The following CNOT7 variants were observed in gnomAD, a reference collection of about 807,000 sequenced individuals.
CNOT7 encodes the protein CCR4-NOT transcription complex subunit 7, also known as BTG1-binding factor 1.
CNOT7 carries 4 observed loss-of-function variants against 37.1 expected under a neutral mutation model. That is an observed-to-expected ratio of 0.11 (90% CI 0.05 to 0.25). The LOEUF (loss-of-function observed/expected upper bound fraction) is 0.25, where lower values mean the gene tolerates loss of function less well. Among genes scored for constraint, CNOT7 ranks in the 10% least tolerant of loss-of-function variants. The pLI is 1.00. For synonymous variants in CNOT7, 128 were observed against 115.6 expected (o/e 1.11, Z -0.69); for missense variants, 170 against 336.2 (o/e 0.51, Z 3.87).
intron 3 of CNOT7, chr8:17,241,309 A>G (rs1438384010): frequency 1.5e-5 from 2 of 135,482 alleles, no homozygotes; most frequent in South Asian, 2.3e-4. Context: ...GACAGAGTCT[A>G]TGTTGACCAG....
At chr8:17,232,956 T>C (rs1444929477) in intron 5 of CNOT7, among the ~76,000 whole-genome samples, 2 of 152,202 alleles carry the variant, frequency 1.3e-5, no homozygotes, top group African/African-American at 2.4e-5. Flanking sequence ...CATTTGTAGT[T>C]TTCACTTAAT....
At position 17,230,011 on chromosome 8, in the gene CNOT7, C is replaced by T. The variant is rs1420014476; in HGVS notation, c.*709G>A. The T allele has an allele frequency of 2.6e-5, 4 of 152,360 alleles. No homozygotes were observed. Among genetic ancestry groups the T allele is most frequent in the African/African-American group, 7.2e-5 (3 of 41,412 alleles). The allele number at this position is 152,360 out of a possible 1,614,324, so 9.4% of individuals were successfully genotyped here. ...AGGGTGTAAAGCTGGTTTGAAAATT[C>T]TTCAGTCACAGAGCAGCCTACACAT... On this transcript the variant is annotated 3_prime_UTR_variant, in exon 7 of 7. Coordinates refer to ENST00000361272, the MANE Select transcript of CNOT7 (RefSeq NM_013354.7).
intron 3 of CNOT7, chr8:17,241,960 C>G (rs1270719791): frequency 6.6e-6 from 1 of 152,144 alleles, no homozygotes; most frequent in African/African-American, 2.4e-5. Context: ...GTGAAGAAAG[C>G]CAGAGCCTAT....
intron 5 of CNOT7, among the ~76,000 whole-genome samples, chr8:17,233,473 T>C (rs1442452816): frequency 1.3e-5 from 2 of 152,200 alleles, no homozygotes; most frequent in African/African-American, 2.4e-5. Flanking sequence ...ACCTGAATTT[T>C]AACACAGCAG....
At chr8:17,236,157 A>C (rs1809332154) in intron 4 of CNOT7, among the ~76,000 whole-genome samples, 1 of 152,222 alleles carries the variant, frequency 6.6e-6, no homozygotes, top group Non-Finnish European at 1.5e-5. Context: ...CCTACAACTC[A>C]ACCATTTCTG....
In CNOT7 at chr8:17,237,457, T is replaced by C. The variant is rs557032893; in HGVS notation, c.312-84A>G. ...CTTCTGCTTACATCTATAACTACAG[T>C]GCCAGAAAAGAGACAGAGGAATGGC... On this transcript the variant is annotated intron_variant, in intron 3 of 6. Transcript: ENST00000361272. The C allele has an allele frequency of 4.5e-5, 59 of 1,304,930 alleles. 1 individual carries two copies. The African/African-American group carries it at 7.8e-4, about 17-fold the overall frequency. 80.8% of individuals were successfully genotyped at this position (1,304,930 alleles called of 1,614,324 possible).
chr8:17,237,485 G>C, intron 3 of CNOT7, 112 bp from the exon 4 acceptor site: 3 of 896,406 alleles, frequency 3.3e-6, no homozygotes, highest in East Asian at 2.5e-5. Context: ...GGAATGGCTT[G>C]AGTCCACCTG....
In CNOT7 at chr8:17,228,337, A is replaced by G. The variant is rs1808293288; in HGVS notation, c.*2383T>C. ...CATCTGGAACCTAGACTTTACAAAC[A>G]TTGAGACTGTCTGGAACAAAATAAA... On this transcript the variant is annotated 3_prime_UTR_variant, in exon 7 of 7. Coordinates refer to ENST00000361272, the MANE Select transcript of CNOT7 (RefSeq NM_013354.7). 1 of 151,960 alleles carries G rather than the reference A, an allele frequency of 6.6e-6. No individual in the cohort carries two copies. The highest frequency in any genetic ancestry group is 2.1e-4 in the South Asian group (1 of 4,836). 9.4% of individuals were successfully genotyped at this position (151,960 alleles called of 1,614,324 possible). A position where few individuals can be genotyped will look rare whatever the true frequency, so the allele number is the denominator to read the frequency against.
chr8:17,245,282 A>G (rs1810765223), intron 1 of CNOT7, 35 bp from the exon 2 acceptor site: 5 of 901,784 alleles, frequency 5.5e-6, no homozygotes, highest in Non-Finnish European at 7.8e-6. Context: ...AAGACCAGAT[A>G]TATCAAATCT....
At chr8:17,235,667 C>T (rs558642584) in intron 4 of CNOT7, among the ~76,000 whole-genome samples, 1 of 152,144 alleles carries the variant, frequency 6.6e-6, no homozygotes, top group Non-Finnish European at 1.5e-5. Context: ...TTCCAAGGAC[C>T]TCTAACAGGA....
chr8:17,244,768 G>T, intron 2 of CNOT7: 1 of 331,922 alleles, frequency 3.0e-6, no homozygotes, highest in South Asian at 4.3e-5. Context: ...CCTGACACGA[G>T]CCCAAATCCT....
intron 6 of CNOT7, chr8:17,231,973 T>A (rs562248838): frequency 1.0e-6 from 1 of 990,022 alleles, no homozygotes; most frequent in African/African-American, 1.7e-5. Context: ...AAGAATGACA[T>A]GAGCAAATAA....
At position 17,229,576 on chromosome 8, in the gene CNOT7, C is replaced by T. The variant is rs1308242702; in HGVS notation, c.*1144G>A. On this transcript the variant is annotated 3_prime_UTR_variant, in exon 7 of 7. Coordinates refer to ENST00000361272, the MANE Select transcript of CNOT7 (RefSeq NM_013354.7). ...TTGTCAATATATATAAAATAGATTG[C>T]AAAGATATACACAAAAAAATAAGCA... 1 of 151,398 alleles carries T rather than the reference C, an allele frequency of 6.6e-6. No homozygotes were observed. Among genetic ancestry groups the T allele is most frequent in the Non-Finnish European group, 1.5e-5 (1 of 67,666 alleles). 9.4% of individuals were successfully genotyped at this position (151,398 alleles called of 1,614,324 possible).
chr8:17,230,734 T>C lies in CNOT7; in HGVS notation c.844A>G (p.Asn282Asp). ...GTGNAYEEEA[N>D]KQS ...ACTATTTCATGTCATGACTGCTTGT[T>C]GGCTTCCTCTTCATATGCATTCCCT... The change falls in exon 7 of 7, where the codon AAC becomes GAC. Residue 282 changes from asparagine to aspartate, a missense_variant. Transcript: ENST00000361272. 1 of 1,601,732 alleles carries C rather than the reference T, an allele frequency of 6.2e-7. No individual in the cohort carries two copies. Among genetic ancestry groups the C allele is most frequent in the Non-Finnish European group, 8.5e-7 (1 of 1,174,804 alleles).
intron 3 of CNOT7, chr8:17,241,991 T>A (rs1810230481): frequency 6.6e-6 from 1 of 152,240 alleles, no homozygotes; most frequent in Non-Finnish European, 1.5e-5. Flanking sequence ...CAGGGCACAA[T>A]GTGGGAACCA....
intron 5 of CNOT7, among the ~76,000 whole-genome samples, chr8:17,233,831 C>G (rs758445612): frequency 1.5e-4 from 23 of 152,216 alleles, no homozygotes; most frequent in Admixed American, 3.9e-4. Context: ...AAGAAAGCTT[C>G]TCATCTTCAG....
Position 17,226,029 on chromosome 8 carries a change from C to CTTTTTTTTTTTTTTTTTTTTTTTTTTTTT in CNOT7, c.*4690_*4691insAAAAAAAAAAAAAAAAAAAAAAAAAAAAA, listed in dbSNP as rs61036000. On this transcript the variant is annotated 3_prime_UTR_variant, in exon 7 of 7. Coordinates refer to ENST00000361272, the MANE Select transcript of CNOT7 (RefSeq NM_013354.7). The stretch of plus-strand genomic sequence containing the variant: ...TCTTCTAGTAGAGAGGTGGACAAGC[C>CTTTTTTTTTTTTTTTTTTTTTTTTTTTTT]TTTTTTTTTTTTTTTTTTTTTTTTT... 1.7e-5 allele frequency: 1 copy of CTTTTTTTTTTTTTTTTTTTTTTTTTTTTT among 58,704 alleles called. No homozygotes were observed. The highest frequency in any genetic ancestry group is 6.6e-5 in the African/African-American group (1 of 15,068). The allele number at this position is 58,704 out of a possible 1,614,324, so 3.6% of individuals were successfully genotyped here.
chr8:17,226,558 C>G lies in CNOT7; in HGVS notation c.*4162G>C, dbSNP rs1187405491. The G allele has an allele frequency of 6.6e-6, 1 of 151,544 alleles. No individual in the cohort carries two copies. Among genetic ancestry groups the G allele is most frequent in the Non-Finnish European group, 1.5e-5 (1 of 67,680 alleles). 9.4% of individuals were successfully genotyped at this position (151,544 alleles called of 1,614,324 possible). A position where few individuals can be genotyped will look rare whatever the true frequency, so the allele number is the denominator to read the frequency against. On this transcript the variant is annotated 3_prime_UTR_variant, in exon 7 of 7. Transcript: ENST00000361272. ...TTTCCAACAGAAGATTAAGAGGAAA[C>G]TTTAAAAGCATTTAATTGCAGTTAA...
rs1380917648 is a variant in CNOT7 at position 17,229,101 on chromosome 8, A to G, written c.*1619T>C. ...TGCAGAAAACTCAGACTGATTTTTC[A>G]ATTAATGGACTAATAATCATCTAGG... is the stretch of plus-strand genomic sequence containing the variant. On this transcript the variant is annotated 3_prime_UTR_variant, in exon 7 of 7. Coordinates refer to ENST00000361272, the MANE Select transcript of CNOT7 (RefSeq NM_013354.7). The G allele has an allele frequency of 6.6e-6, 1 of 151,968 alleles. No homozygotes were observed. The highest frequency in any genetic ancestry group is 1.9e-4 in the East Asian group (1 of 5,200). 9.4% of individuals were successfully genotyped at this position (151,968 alleles called of 1,614,324 possible). A position where few individuals can be genotyped will look rare whatever the true frequency, so the allele number is the denominator to read the frequency against.
Sources: gnomAD v4.1 joint callset for allele counts (sites outside exome capture counted in the v4.1 genomes callset) on GRCh38, gnomAD v4.1.1 for gene constraint, MANE v1.5 for transcripts, NCBI Gene and HGNC (gene_info 2026-07-23, HGNC 2026-07-21) for gene names.